The following GALNT8 variants were observed in gnomAD, a reference collection of about 807,000 sequenced individuals.
The protein encoded by GALNT8 is polypeptide N-acetylgalactosaminyltransferase 8.
A neutral mutation model predicts 62.7 loss-of-function variants in GALNT8; 66 were observed. That is an observed-to-expected ratio of 1.05 (90% CI 0.86 to 1.29). The LOEUF is 1.29. Ranked by LOEUF, GALNT8 falls within the 50% of genes most tolerant of loss-of-function variation. The pLI, the probability that GALNT8 is intolerant of heterozygous loss-of-function variation, is 0.00. For missense variants in GALNT8, 771 were observed against 791.8 expected (o/e 0.97, Z 0.32); for synonymous variants, 288 against 294.3 (o/e 0.98, Z 0.22).
At chr12:4,743,771 GAATT>G (rs1946282743) in intron 3 of GALNT8, among the ~76,000 whole-genome samples, 1 of 152,196 alleles carries the variant, frequency 6.6e-6, no homozygotes, top group African/African-American at 2.4e-5. Context: ...AGAATTAACT[GAATT>G]AATTTTATCA....
chr12:4,729,248 A>G (rs899772723), intron 2 of GALNT8, among the ~76,000 whole-genome samples: 2 of 152,202 alleles, frequency 1.3e-5, no homozygotes, highest in Non-Finnish European at 2.9e-5. Flanking sequence ...AAATTAACAT[A>G]TGCATTACCT....
Position 4,764,009 on chromosome 12 carries a change from AC to A in GALNT8, c.1560del (p.Ile521SerfsTer17). On this transcript the variant is annotated frameshift_variant, in exon 9 of 11. Transcript: ENST00000252318. LOFTEE classifies it high-confidence loss of function. ...CLDQGPVPGN[T>X]PIMYYCHEFS... Reference sequence around the variant, plus strand: ...GGATCAGGGACCCGTTCCAGGCAACACCCCCATCATGTATTACTGCCATGAA... The same window carrying A: ...GGATCAGGGACCCGTTCCAGGCAACACCCCATCATGTATTACTGCCATGAA... The A allele has an allele frequency of 6.3e-7, 1 of 1,599,756 alleles. No homozygotes were observed. Among genetic ancestry groups the A allele is most frequent in the Non-Finnish European group, 8.6e-7 (1 of 1,166,826 alleles).
chr12:4,744,696 G>A lies in GALNT8; in HGVS notation c.856G>A (p.Gly286Arg). 2 of 1,604,924 alleles carry A rather than the reference G, an allele frequency of 1.2e-6. No individual in the cohort carries two copies. The highest frequency in any genetic ancestry group is 1.7e-6 in the Non-Finnish European group (2 of 1,173,676). The change falls in exon 4 of 11, where the codon GGG becomes AGG. Residue 286 changes from glycine to arginine, a missense_variant. Physicochemically the swap from Gly to Arg is moderately radical, Grantham distance 125. Coordinates refer to ENST00000252318, the MANE Select transcript of GALNT8 (RefSeq NM_017417.2). ...ILDAHIEVNV[G>R]WAEPILARIQ... ...GGATGCTCACATTGAAGTCAATGTTGGGTGGTAAGGCTCAAAGAGGCTAGT... is the reference window on the plus strand; with the variant it reads ...GGATGCTCACATTGAAGTCAATGTTAGGTGGTAAGGCTCAAAGAGGCTAGT...
chr12:4,740,035 A>G (rs78829933), intron 3 of GALNT8, among the ~76,000 whole-genome samples: 4,747 of 152,200 alleles, frequency 0.031, 250 homozygotes, highest in African/African-American at 0.11. Context: ...AGGACTCCAG[A>G]TACCAGGAAG....
intron 3 of GALNT8, among the ~76,000 whole-genome samples, chr12:4,741,867 T>A (rs1946273682): frequency 6.6e-6 from 1 of 152,206 alleles, no homozygotes; most frequent in African/African-American, 2.4e-5. Context: ...TTCTTTGGTG[T>A]TACAGGGACA....
At chr12:4,756,956 A>T (rs966751238) in intron 6 of GALNT8, among the ~76,000 whole-genome samples, 2 of 152,208 alleles carry the variant, frequency 1.3e-5, no homozygotes, top group African/African-American at 4.8e-5. Context: ...GGTGGAGGTC[A>T]TTGGATCATG....
chr12:4,735,099 T>C (rs1946238678), intron 2 of GALNT8, among the ~76,000 whole-genome samples: 1 of 152,228 alleles, frequency 6.6e-6, no homozygotes, highest in Non-Finnish European at 1.5e-5. Context: ...TCTGGATTTG[T>C]ATGTTGGCAA....
chr12:4,760,487 C>T (rs1482536027), intron 6 of GALNT8, among the ~76,000 whole-genome samples: 1 of 152,158 alleles, frequency 6.6e-6, no homozygotes, highest in African/African-American at 2.4e-5. Context: ...GTCACAGGCC[C>T]ACACTCAAGG....
intron 1 of GALNT8, among the ~76,000 whole-genome samples, chr12:4,723,878 C>T (rs927277944): frequency 5.3e-5 from 8 of 151,428 alleles, no homozygotes; most frequent in Non-Finnish European, 8.8e-5. Flanking sequence ...CGGCCGGGCG[C>T]GGTGGCTCAC....
At chr12:4,755,897 G>A (rs530683272) in intron 6 of GALNT8, among the ~76,000 whole-genome samples, 2 of 152,280 alleles carry the variant, frequency 1.3e-5, no homozygotes, top group African/African-American at 4.8e-5. Context: ...TGGAGTGGCC[G>A]TGTTCCACAT....
intron 2 of GALNT8, among the ~76,000 whole-genome samples, chr12:4,729,057 C>T (rs1456288383): frequency 6.6e-6 from 1 of 152,092 alleles, no homozygotes; most frequent in African/African-American, 2.4e-5. Context: ...TGAGTTTTCA[C>T]AGTATAAGTT....
At chr12:4,771,880 A>T (rs1214521854) in intron 10 of GALNT8, among the ~76,000 whole-genome samples, 1 of 152,194 alleles carries the variant, frequency 6.6e-6, no homozygotes, top group Non-Finnish European at 1.5e-5. Context: ...CGTATGTGGA[A>T]GAGCAAGGAT....
At chr12:4,755,988 A>C (rs1212021256) in intron 6 of GALNT8, among the ~76,000 whole-genome samples, 3 of 152,214 alleles carry the variant, frequency 2.0e-5, no homozygotes, top group East Asian at 3.9e-4. Context: ...GTAAGAGGGC[A>C]AATGGGACCA....
chr12:4,735,881 G>C (rs1242055944), intron 2 of GALNT8, among the ~76,000 whole-genome samples: 2 of 152,204 alleles, frequency 1.3e-5, no homozygotes, highest in Non-Finnish European at 2.9e-5. Context: ...AACCTCCCCA[G>C]CTGTATTTAA....
intron 6 of GALNT8, among the ~76,000 whole-genome samples, chr12:4,753,750 A>G (rs892543848): frequency 1.3e-5 from 2 of 152,158 alleles, no homozygotes; most frequent in Non-Finnish European, 2.9e-5. Context: ...CTGAGCATTG[A>G]AGAGTTAGTC....
At chr12:4,759,779 G>T (rs1946363377) in intron 6 of GALNT8, among the ~76,000 whole-genome samples, 2 of 152,050 alleles carry the variant, frequency 1.3e-5, no homozygotes, top group East Asian at 1.9e-4. Context: ...CCACTGCTAT[G>T]GGCTAATTAC....
intron 3 of GALNT8, among the ~76,000 whole-genome samples, chr12:4,742,675 G>A (rs1946277345): frequency 6.6e-6 from 1 of 152,136 alleles, no homozygotes; most frequent in African/African-American, 2.4e-5. Context: ...GGGACTTGAA[G>A]GCGTCATAGG....
intron 7 of GALNT8, 117 bp from the exon 8 acceptor site, chr12:4,763,136 G>GT (rs1467644574): frequency 1.3e-6 from 1 of 793,254 alleles, no homozygotes; most frequent in Non-Finnish European, 2.1e-6. Flanking sequence ...TTGGGTTGCA[G>GT]TCCGTCCACA....
chr12:4,735,451 A>G (rs543874071), intron 2 of GALNT8, among the ~76,000 whole-genome samples: 2 of 152,174 alleles, frequency 1.3e-5, no homozygotes, highest in African/African-American at 2.4e-5. Flanking sequence ...TGCAGGTCCT[A>G]GCATACATAG....
Sources: allele counts gnomAD v4.1 joint callset (sites outside exome capture counted in the v4.1 genomes callset), GRCh38; gene constraint gnomAD v4.1.1; transcripts MANE v1.5; gene names NCBI Gene and HGNC (gene_info 2026-07-23, HGNC 2026-07-21).